The following LRRTM4 variants were observed in gnomAD, a reference collection of about 807,000 sequenced individuals.
LRRTM4 encodes the protein leucine rich repeat transmembrane neuronal 4.
Under a neutral mutation model 47.6 loss-of-function variants are expected in LRRTM4, and 25 were observed. The observed-to-expected ratio is 0.53, with a 90% CI of 0.38 to 0.73. The LOEUF (loss-of-function observed/expected upper bound fraction) is 0.73, where lower values mean the gene tolerates loss of function less well. Ranked by LOEUF, LRRTM4 falls within the 30% of genes least tolerant of loss-of-function variation. The pLI, the probability that LRRTM4 is intolerant of heterozygous loss-of-function variation, is 0.00. For synonymous variants in LRRTM4, 311 were observed against 269.5 expected (o/e 1.15, Z -1.51); for missense variants, 638 against 713.4 (o/e 0.89, Z 1.20).
intron 3 of LRRTM4, among the ~76,000 whole-genome samples, chr2:76,884,788 T>TA (rs111777532): frequency 0.046 from 6,944 of 152,104 alleles, 319 homozygotes; most frequent in African/African-American, 0.11. Context: ...ACGTCTGTTG[T>TA]AAAAAAAGTA....
chr2:76,966,203 A>G (rs1676017618), intron 3 of LRRTM4, among the ~76,000 whole-genome samples: 1 of 151,530 alleles, frequency 6.6e-6, no homozygotes, highest in Non-Finnish European at 1.5e-5. Context: ...TGCAAACAAA[A>G]AGAAAAGTGA....
chr2:77,516,702 G>A, intron 3 of LRRTM4: 1 of 968,370 alleles, frequency 1.0e-6, no homozygotes, highest in Non-Finnish European at 1.2e-6. Context: ...ATTTTTAAGG[G>A]CAATTGCTTA....
intron 3 of LRRTM4, among the ~76,000 whole-genome samples, chr2:76,774,875 T>C (rs545749559): frequency 1.2e-4 from 19 of 152,218 alleles, no homozygotes; most frequent in Admixed American, 4.6e-4. Context: ...TCAAAGTTAG[T>C]CTTAAATAAT....
intron 3 of LRRTM4, among the ~76,000 whole-genome samples, chr2:76,780,300 A>G (rs933870657): frequency 5.9e-5 from 9 of 152,148 alleles, no homozygotes; most frequent in Non-Finnish European, 1.0e-4. Context: ...GAATCTGAAC[A>G]TTGGCTTGCC....
chr2:77,166,011 A>G (rs1672873872), intron 3 of LRRTM4, among the ~76,000 whole-genome samples: 1 of 152,220 alleles, frequency 6.6e-6, no homozygotes, highest in South Asian at 2.1e-4. Context: ...GGAAAAGAGG[A>G]AGTCAAATTG....
intron 3 of LRRTM4, among the ~76,000 whole-genome samples, chr2:76,781,452 G>T (rs1452324503): frequency 2.0e-5 from 3 of 152,260 alleles, no homozygotes; most frequent in Admixed American, 6.5e-5. Flanking sequence ...ATATAATCTT[G>T]TGGTGGGCCC....
At chr2:76,972,167 C>G (rs1676241477) in intron 3 of LRRTM4, among the ~76,000 whole-genome samples, 1 of 151,934 alleles carries the variant, frequency 6.6e-6, no homozygotes, top group Non-Finnish European at 1.5e-5. Context: ...AGGAGAAACC[C>G]AATAGTAGTT....
intron 3 of LRRTM4, among the ~76,000 whole-genome samples, chr2:76,936,015 G>A (rs1295942740): frequency 1.3e-5 from 2 of 152,136 alleles, no homozygotes; most frequent in African/African-American, 4.8e-5. Flanking sequence ...TTCAACCATT[G>A]TGGAAGACAG....
At chr2:76,779,685 A>G (rs1471040064) in intron 3 of LRRTM4, among the ~76,000 whole-genome samples, 4 of 151,966 alleles carry the variant, frequency 2.6e-5, no homozygotes, top group Admixed American at 2.6e-4. Flanking sequence ...TCCTGAATAC[A>G]GCACACTGAT....
At chr2:77,505,827 C>T (rs991407688) in intron 3 of LRRTM4, among the ~76,000 whole-genome samples, 1 of 151,356 alleles carries the variant, frequency 6.6e-6, no homozygotes, top group Non-Finnish European at 1.5e-5. Flanking sequence ...TGATATAAAT[C>T]GAGCTCTAAG....
rs1415156182 is a variant in LRRTM4, at chr2:77,246,760, T to C, written c.1551+271558A>G. On this transcript the variant is annotated intron_variant, in intron 3 of 3. Coordinates refer to ENST00000409884, the MANE Select transcript of LRRTM4 (RefSeq NM_001134745.3). ...ATATATATGGATGTGTGTACATATG[T>C]ATAGTTATGATAATAATATGCCTAT... 4.6e-5 allele frequency among the ~76,000 whole-genome samples: 7 copies of C among 152,222 alleles called. No individual in the cohort carries two copies. In the East Asian group the frequency reaches 1.4e-3, roughly 29 times the overall value.
chr2:76,890,934 A>G (rs886724373), intron 3 of LRRTM4, among the ~76,000 whole-genome samples: 3 of 151,976 alleles, frequency 2.0e-5, no homozygotes, highest in Non-Finnish European at 4.4e-5. Context: ...AATCACACCC[A>G]GAAAGAGAGA....
chr2:77,238,436 A>G (rs1285165810), intron 3 of LRRTM4, among the ~76,000 whole-genome samples: 1 of 152,014 alleles, frequency 6.6e-6, no homozygotes, highest in Non-Finnish European at 1.5e-5. Flanking sequence ...GAAACATACC[A>G]CCTCAAAGAC....
intron 3 of LRRTM4, among the ~76,000 whole-genome samples, chr2:77,146,413 G>T (rs943536774): frequency 6.6e-6 from 1 of 152,018 alleles, no homozygotes; most frequent in Admixed American, 6.6e-5. Flanking sequence ...AGAGACACTA[G>T]AAATATGATA....
chr2:77,135,098 G>T (rs72911856), intron 3 of LRRTM4, among the ~76,000 whole-genome samples: 3,112 of 152,256 alleles, frequency 0.02, 119 homozygotes, highest in African/African-American at 0.07. Flanking sequence ...CATATGGACG[G>T]ATGAAAACAT....
chr2:77,030,464 T>G lies in LRRTM4; in HGVS notation c.1552-281548A>C, dbSNP rs1035944169. ...AGAAAAAGTAAACATTTATTGACAG[T>G]AAGTCGGTGTGTTTTCTATTACAAT... On this transcript the variant is annotated intron_variant, in intron 3 of 3. Coordinates refer to ENST00000409884, the MANE Select transcript of LRRTM4 (RefSeq NM_001134745.3). Among the ~76,000 whole-genome samples the G allele has an allele frequency of 2.0e-5, 3 of 152,108 alleles. No individual in the cohort carries two copies. The East Asian group carries it at 5.8e-4, about 29-fold the overall frequency.
intron 3 of LRRTM4, among the ~76,000 whole-genome samples, chr2:77,104,963 T>C (rs1372678057): frequency 6.6e-6 from 1 of 151,586 alleles, no homozygotes; most frequent in African/African-American, 2.4e-5. Context: ...TTTCAAAAAA[T>C]GGCAAGAGAG....
intron 3 of LRRTM4, among the ~76,000 whole-genome samples, chr2:77,165,845 G>A (rs1672869044): frequency 6.6e-6 from 1 of 152,162 alleles, no homozygotes; most frequent in Non-Finnish European, 1.5e-5. Flanking sequence ...CAAACCCACA[G>A]CCAATATCAT....
chr2:77,221,225 C>A (rs999822469), intron 3 of LRRTM4, among the ~76,000 whole-genome samples: 2 of 152,172 alleles, frequency 1.3e-5, no homozygotes, highest in African/African-American at 4.8e-5. Context: ...TGGAAAGGAA[C>A]AACTGGTACC....
Sources: allele counts gnomAD v4.1 joint callset (sites outside exome capture counted in the v4.1 genomes callset), GRCh38; gene constraint gnomAD v4.1.1; transcripts MANE v1.5; gene names NCBI Gene and HGNC (gene_info 2026-07-23, HGNC 2026-07-21).